Variants in SPOCK1 observed in about 807,000 individuals in gnomAD.
SPOCK1 encodes the protein testican-1.
In SPOCK1, 23 loss-of-function variants were observed where a neutral mutation model predicts 55.3. The observed-to-expected ratio is 0.42, with a 90% CI of 0.30 to 0.59. The LOEUF is 0.59. Among genes scored for constraint, SPOCK1 ranks in the 20% least tolerant of loss-of-function variants. SPOCK1 has a pLI of 0.22. For synonymous variants in SPOCK1, 226 were observed against 221.0 expected, an observed-to-expected ratio of 1.02 and a Z score of -0.20; for missense variants, 499 against 552.5, an observed-to-expected ratio of 0.90 and a Z score of 0.97.
In SPOCK1 at chr5:137,040,349, G is replaced by A. The variant is rs76930568; in HGVS notation, c.589+27366C>T. On this transcript the variant is annotated intron_variant, in intron 6 of 10. Transcript: ENST00000394945. ...ATCCACACTGGGCATATGTCTTTTC[G>A]CCCAAGCACTGCACTGTGGCTACAA... 4.0e-3 allele frequency among the ~76,000 whole-genome samples: 613 copies of A among 152,290 alleles called. 1 individual carries two copies. The highest frequency in any genetic ancestry group is 6.8e-3 in the Middle Eastern group (2 of 294).
chr5:137,257,486 G>A (rs538282683), intron 3 of SPOCK1, among the ~76,000 whole-genome samples: 12 of 152,218 alleles, frequency 7.9e-5, no homozygotes, highest in Non-Finnish European at 1.6e-4. Context: ...TCCACAACCT[G>A]GAAGAGGGCC....
At chr5:137,160,578 A>ATATAATATATATAATATATTATATAT (rs1754519701) in intron 3 of SPOCK1, among the ~76,000 whole-genome samples, 1 of 47,080 alleles carries the variant, frequency 2.1e-5, no homozygotes, top group Non-Finnish European at 4.0e-5. Flanking sequence ...ATATTATATA[A>ATATAATATATATAATATATTATATAT]TATATATAAT....
At chr5:137,074,197 G>A (rs1453948222) in intron 5 of SPOCK1, among the ~76,000 whole-genome samples, 11 of 152,158 alleles carry the variant, frequency 7.2e-5, no homozygotes, top group South Asian at 4.2e-4. Context: ...ATTAAAAATC[G>A]GAAACAAATG....
intron 2 of SPOCK1, among the ~76,000 whole-genome samples, chr5:137,389,357 A>C (rs2127178405): frequency 6.6e-6 from 1 of 152,278 alleles, no homozygotes; most frequent in Middle Eastern, 3.4e-3. Flanking sequence ...CCACTGTCTA[A>C]TACTACTCGG....
intron 3 of SPOCK1, among the ~76,000 whole-genome samples, chr5:137,193,360 G>A (rs1211464671): frequency 6.6e-6 from 1 of 152,144 alleles, no homozygotes; most frequent in African/African-American, 2.4e-5. Context: ...GTTAAGGGGA[G>A]GTAGAAAGTG....
intron 6 of SPOCK1, among the ~76,000 whole-genome samples, chr5:137,004,707 C>A (rs997783964): frequency 3.3e-5 from 5 of 152,126 alleles, no homozygotes; most frequent in Admixed American, 1.3e-4. Context: ...GGAAAAAAAA[C>A]CTAAATTTTA....
intron 2 of SPOCK1, among the ~76,000 whole-genome samples, chr5:137,457,685 T>A (rs1463270393): frequency 6.6e-6 from 1 of 152,164 alleles, no homozygotes; most frequent in Admixed American, 6.6e-5. Context: ...ATGTGCCAAA[T>A]AGCGTGAAAG....
chr5:137,413,720 C>G (rs865859840), intron 2 of SPOCK1, among the ~76,000 whole-genome samples: 4 of 152,194 alleles, frequency 2.6e-5, no homozygotes, highest in Admixed American at 2.0e-4. Context: ...GATGTCACAA[C>G]TCTATTTGGA....
chr5:137,119,812 T>C (rs1561616338), intron 4 of SPOCK1, among the ~76,000 whole-genome samples: 2 of 152,238 alleles, frequency 1.3e-5, no homozygotes, highest in Non-Finnish European at 2.9e-5. Flanking sequence ...GGCCTTATTA[T>C]GCCACTGCTG....
At chr5:137,102,173 T>C (rs1753282507) in intron 5 of SPOCK1, among the ~76,000 whole-genome samples, 1 of 152,154 alleles carries the variant, frequency 6.6e-6, no homozygotes, top group Non-Finnish European at 1.5e-5. Flanking sequence ...TTAACTCTTA[T>C]TCATAGCGAA....
At chr5:137,159,453 T>G (rs74291954) in intron 3 of SPOCK1, among the ~76,000 whole-genome samples, 2 of 152,080 alleles carry the variant, frequency 1.3e-5, no homozygotes, top group African/African-American at 4.8e-5. Flanking sequence ...AATATGTAGT[T>G]TTTTATCCTT....
intron 2 of SPOCK1, among the ~76,000 whole-genome samples, chr5:137,296,961 G>T (rs1230342841): frequency 6.6e-6 from 1 of 152,178 alleles, no homozygotes; most frequent in Admixed American, 6.5e-5. Flanking sequence ...ATTTTAGCTG[G>T]AGTGCACCTC....
At chr5:137,160,635 A>AT (rs1754532722) in intron 3 of SPOCK1, among the ~76,000 whole-genome samples, 1 of 100,802 alleles carries the variant, frequency 9.9e-6, no homozygotes, top group African/African-American at 3.9e-5. Context: ...TATATAATAT[A>AT]TAATATATAT....
chr5:137,016,399 C>T (rs1246633984), intron 6 of SPOCK1, among the ~76,000 whole-genome samples: 1 of 152,216 alleles, frequency 6.6e-6, no homozygotes, highest in Non-Finnish European at 1.5e-5. Context: ...CTCTGTCTTA[C>T]GTACTTAGAA....
intron 2 of SPOCK1, among the ~76,000 whole-genome samples, chr5:137,474,508 T>A (rs1453248264): frequency 6.6e-6 from 1 of 152,208 alleles, no homozygotes; most frequent in Non-Finnish European, 1.5e-5. Context: ...TAATGACAAG[T>A]GCTGATAGCG....
chr5:137,055,240 A>T (rs1752278090), intron 6 of SPOCK1, among the ~76,000 whole-genome samples: 1 of 152,174 alleles, frequency 6.6e-6, no homozygotes, highest in African/African-American at 2.4e-5. Flanking sequence ...CTTAAGGGAG[A>T]AAGAGCATAG....
chr5:137,296,234 A>G (rs938011152), intron 2 of SPOCK1, among the ~76,000 whole-genome samples: 1 of 152,204 alleles, frequency 6.6e-6, no homozygotes, highest in Non-Finnish European at 1.5e-5. Context: ...GCCACCCAAC[A>G]TATGGTATTG....
intron 3 of SPOCK1, among the ~76,000 whole-genome samples, chr5:137,175,665 A>G (rs951811941): frequency 1.3e-5 from 2 of 152,220 alleles, no homozygotes; most frequent in African/African-American, 4.8e-5. Flanking sequence ...TCTTTGAAGT[A>G]GAAAAATAAT....
chr5:137,423,425 G>A (rs1320876143), intron 2 of SPOCK1, among the ~76,000 whole-genome samples: 1 of 152,200 alleles, frequency 6.6e-6, no homozygotes, highest in African/African-American at 2.4e-5. Context: ...GCTGCGGTGG[G>A]CTCCACCCAG....
Sources: gnomAD v4.1 joint callset for allele counts (sites outside exome capture counted in the v4.1 genomes callset) on GRCh38, gnomAD v4.1.1 for gene constraint, MANE v1.5 for transcripts, NCBI Gene and HGNC (gene_info 2026-07-23, HGNC 2026-07-21) for gene names.